The following AATF variants were observed in gnomAD, a reference collection of about 807,000 sequenced individuals.
AATF encodes protein AATF.
In AATF, 48 loss-of-function variants were observed where a neutral mutation model predicts 63.7. The ratio of observed to expected loss-of-function variants is 0.75; its 90% CI spans 0.60 to 0.96. The LOEUF (loss-of-function observed/expected upper bound fraction) is 0.96, where lower values mean the gene tolerates loss of function less well. Ranked by LOEUF, AATF falls within the 40% of genes least tolerant of loss-of-function variation. The probability of loss-of-function intolerance (pLI) is 0.00; values close to 1 mark genes in which losing one functional copy is unlikely to be tolerated. For missense variants in AATF, 639 were observed against 685.7 expected, an observed-to-expected ratio of 0.93 and a Z score of 0.76; for synonymous variants, 258 against 247.7, an observed-to-expected ratio of 1.04 and a Z score of -0.39.
chr17:36,977,727 A>C (rs1194364152), intron 4 of AATF, among the ~76,000 whole-genome samples: 1 of 152,208 alleles, frequency 6.6e-6, no homozygotes, highest in Non-Finnish European at 1.5e-5. Flanking sequence ...CAGTTTAAAC[A>C]ATTACAGTAC....
At chr17:36,982,774 A>G (rs975356954) in intron 4 of AATF, among the ~76,000 whole-genome samples, 8 of 152,176 alleles carry the variant, frequency 5.3e-5, no homozygotes, top group Non-Finnish European at 1.0e-4. Context: ...TTGTTGTGCA[A>G]CCGTCACCAC....
In AATF at chr17:36,989,273, C is replaced by G. The variant is rs2071194374; in HGVS notation, c.1176C>G (p.Ile392Met). 1.9e-6 allele frequency: 3 copies of G among 1,613,434 alleles called. No homozygotes were observed. Among genetic ancestry groups the G allele is most frequent in the East Asian group, 2.2e-5 (1 of 44,880 alleles). The change falls in exon 7 of 12, where the codon ATC (isoleucine) becomes ATG (methionine). Residue 392 changes from isoleucine (I) to methionine (M), a missense_variant. Transcript: ENST00000619387. ...GKGFGAFERS[I>M]LTQIDHILMD... ...GTTTTGGTGCCTTTGAACGCTCAATCTTGACTCAGATCGACCATATTCTGA... is the reference window on the plus strand; with the variant it reads ...GTTTTGGTGCCTTTGAACGCTCAATGTTGACTCAGATCGACCATATTCTGA...
chr17:37,002,467 A>C (rs2071306772), intron 8 of AATF, among the ~76,000 whole-genome samples: 1 of 151,602 alleles, frequency 6.6e-6, no homozygotes, highest in East Asian at 1.9e-4. Context: ...GGAGATTGAG[A>C]CCATCCTGGC....
chr17:37,005,138 G>A (rs566383177), intron 8 of AATF, among the ~76,000 whole-genome samples: 2 of 149,162 alleles, frequency 1.3e-5, no homozygotes, highest in African/African-American at 4.8e-5. Flanking sequence ...TGACTTTGGG[G>A]TGCTGCCCCA....
intron 8 of AATF, among the ~76,000 whole-genome samples, chr17:36,993,828 C>T (rs1000771900): frequency 6.6e-6 from 1 of 152,112 alleles, no homozygotes; most frequent in Non-Finnish European, 1.5e-5. Context: ...TTGGTTAATT[C>T]AGGTGTCTTG....
intron 11 of AATF, among the ~76,000 whole-genome samples, chr17:37,054,192 G>A (rs2071778353): frequency 6.6e-6 from 1 of 151,522 alleles, no homozygotes; most frequent in Admixed American, 6.6e-5. Flanking sequence ...TGGGGGGCGT[G>A]TGGGGCGGGG....
chr17:37,045,288 C>A (rs187315071), intron 11 of AATF, among the ~76,000 whole-genome samples: 2 of 152,188 alleles, frequency 1.3e-5, no homozygotes, highest in Non-Finnish European at 2.9e-5. Context: ...CCTCCACTTA[C>A]GTGGTAAATA....
Position 36,988,512 on chromosome 17 carries a change from T to G in AATF, c.948-7T>G. On this transcript the variant is annotated splice_polypyrimidine_tract_variant and splice_region_variant and intron_variant, in intron 5 of 11. Transcript: ENST00000619387. ...CACTGGACATAATATTCTTACTGCTTTTCTAGTGAGGAGATTTCTAGTGAA... is the reference window on the plus strand; with the variant it reads ...CACTGGACATAATATTCTTACTGCTGTTCTAGTGAGGAGATTTCTAGTGAA... 6.2e-7 allele frequency: 1 copy of G among 1,613,642 alleles called. No individual in the cohort carries two copies. The highest frequency in any genetic ancestry group is 8.5e-7 in the Non-Finnish European group (1 of 1,179,848).
chr17:37,007,187 A>G (rs1167680626), intron 8 of AATF, among the ~76,000 whole-genome samples: 1 of 151,570 alleles, frequency 6.6e-6, no homozygotes, highest in African/African-American at 2.4e-5. Flanking sequence ...TGACTCTTTG[A>G]TTTTAGGAAT....
chr17:37,035,826 A>G (rs536297095), intron 11 of AATF, among the ~76,000 whole-genome samples: 2 of 152,226 alleles, frequency 1.3e-5, no homozygotes, highest in South Asian at 2.1e-4. Flanking sequence ...TGCCAAATAC[A>G]TTTGTGTTAA....
intron 11 of AATF, 119 bp downstream of exon 11, chr17:37,031,804 G>T: frequency 1.2e-6 from 1 of 831,548 alleles, no homozygotes; most frequent in Non-Finnish European, 2.1e-6. Flanking sequence ...CATTGGCATC[G>T]CAGTAAGGGT....
At chr17:36,965,966 G>C (rs1423787658) in intron 4 of AATF, among the ~76,000 whole-genome samples, 1 of 152,020 alleles carries the variant, frequency 6.6e-6, no homozygotes, top group Non-Finnish European at 1.5e-5. Flanking sequence ...AGATGTCTAA[G>C]TATGGGTCAT....
At chr17:36,952,085 C>T (rs2070859685) in intron 2 of AATF, among the ~76,000 whole-genome samples, 1 of 152,256 alleles carries the variant, frequency 6.6e-6, no homozygotes, top group Non-Finnish European at 1.5e-5. Flanking sequence ...TCATGAAAGA[C>T]GAGACCTTTC....
intron 11 of AATF, among the ~76,000 whole-genome samples, chr17:37,039,011 G>C (rs1232725246): frequency 6.6e-6 from 1 of 152,114 alleles, no homozygotes; most frequent in Non-Finnish European, 1.5e-5. Context: ...TTGTGTATGG[G>C]TCTGCACCCT....
Position 37,044,772 on chromosome 17 carries a change from AGTGCTCCAGT to A in AATF, c.1620-11827_1620-11818del, listed in dbSNP as rs1448233532. Among the ~76,000 whole-genome samples, 4 of 152,178 alleles carry A rather than the reference AGTGCTCCAGT, an allele frequency of 2.6e-5. No individual in the cohort carries two copies. In the East Asian group the frequency reaches 7.7e-4, roughly 29 times the overall value. ...CCTAATCTGAAAATCTGAAATCTGA[AGTGCTCCAGT>A]GAGCATTTTCTTACAGCATAGTTCG... On this transcript the variant is annotated intron_variant, in intron 11 of 11. Transcript: ENST00000619387.
At chr17:37,003,051 C>T (rs2071314119) in intron 8 of AATF, among the ~76,000 whole-genome samples, 2 of 151,922 alleles carry the variant, frequency 1.3e-5, no homozygotes, top group South Asian at 4.2e-4. Context: ...CAAAACTTAC[C>T]ACAAAGCTCC....
In AATF at chr17:37,018,933, C is replaced by A. The variant is rs937061241; in HGVS notation, c.1399-72C>A. 4.7e-6 allele frequency: 6 copies of A among 1,284,582 alleles called. No homozygotes were observed. In the African/African-American group the frequency reaches 8.8e-5, roughly 19 times the overall value. The allele number at this position is 1,284,582 out of a possible 1,614,324, so 79.6% of individuals were successfully genotyped here. A position where few individuals can be genotyped will look rare whatever the true frequency, so the allele number is the denominator to read the frequency against. ...GCTGTCACTATGCCATTCAGAATTC[C>A]TTCTCTGCCCTTTTAAAGTCAGTTG... On this transcript the variant is annotated intron_variant, in intron 8 of 11. Transcript: ENST00000619387.
At chr17:36,950,058 T>C (rs1347483167) in intron 1 of AATF, among the ~76,000 whole-genome samples, 156 bp from the exon 2 acceptor site, 2 of 152,200 alleles carry the variant, frequency 1.3e-5, no homozygotes, top group Non-Finnish European at 2.9e-5. Context: ...AGTAAGACAG[T>C]GTTCTACTTT....
chr17:37,002,144 G>A (rs1319687588), intron 8 of AATF, among the ~76,000 whole-genome samples: 1 of 148,376 alleles, frequency 6.7e-6, no homozygotes, highest in African/African-American at 2.5e-5. Flanking sequence ...GGAGGTTGCA[G>A]TGAGCCATGA....
Sources: allele counts gnomAD v4.1 joint callset (sites outside exome capture counted in the v4.1 genomes callset), GRCh38; gene constraint gnomAD v4.1.1; transcripts MANE v1.5; gene names NCBI Gene and HGNC (gene_info 2026-07-23, HGNC 2026-07-21).